The following IPO7 variants were observed in gnomAD, a reference collection of about 807,000 sequenced individuals.
The protein encoded by IPO7 is importin-7.
A neutral mutation model predicts 136.4 loss-of-function variants in IPO7; 13 were observed. The observed-to-expected ratio is 0.10, with a 90% CI of 0.06 to 0.15. The LOEUF is 0.15. IPO7 is among the 10% of genes least tolerant of loss of function. The pLI, the probability that IPO7 is intolerant of heterozygous loss-of-function variation, is 1.00. For missense variants in IPO7, 857 were observed against 1,240.6 expected, an observed-to-expected ratio of 0.69 and a Z score of 4.65; for synonymous variants, 403 against 404.4, an observed-to-expected ratio of 1.00 and a Z score of 0.04.
chr11:9,444,897 G>T (rs1240621998), intron 24 of IPO7, among the ~76,000 whole-genome samples, 200 bp from the exon 25 acceptor site: 2 of 150,286 alleles, frequency 1.3e-5, no homozygotes, highest in Non-Finnish European at 3.0e-5. Context: ...TGGCTAAGAA[G>T]TCTACAGCAT....
chr11:9,433,618 T>G lies in IPO7; in HGVS notation c.1930T>G (p.Leu644Val). Residue 644 changes from leucine to valine, a missense_variant, in exon 17 of 25, where the codon TTA (leucine) becomes GTA (valine). Physicochemically the swap from Leu to Val is conservative, Grantham distance 32. Transcript: ENST00000379719. Reference protein sequence around the residue: ...GICLQVIGTVLQQHVLEFYEE... With the variant: ...GICLQVIGTVVQQHVLEFYEE... Reference sequence around the variant, plus strand: ...CTGCTTACAGGTCATTGGTACTGTTTTACAACAGCATGTCTTAGGTATTAT... The same window carrying G: ...CTGCTTACAGGTCATTGGTACTGTTGTACAACAGCATGTCTTAGGTATTAT... 6.2e-7 allele frequency: 1 copy of G among 1,612,926 alleles called. No homozygotes were observed. Among genetic ancestry groups the G allele is most frequent in the Non-Finnish European group, 8.5e-7 (1 of 1,179,914 alleles).
intron 1 of IPO7, among the ~76,000 whole-genome samples, chr11:9,389,946 G>T (rs547024341): frequency 6.6e-6 from 1 of 152,118 alleles, no homozygotes; most frequent in East Asian, 1.9e-4. Flanking sequence ...TAGTAGAGAC[G>T]GGGTTTCACC....
intron 1 of IPO7, among the ~76,000 whole-genome samples, chr11:9,390,682 C>T (rs1256269975): frequency 6.6e-6 from 1 of 152,176 alleles, no homozygotes; most frequent in Non-Finnish European, 1.5e-5. Flanking sequence ...GGCGCAGTGG[C>T]TCACGCCTGT....
chr11:9,408,848 G>A (rs1397817553), intron 3 of IPO7, among the ~76,000 whole-genome samples: 1 of 151,192 alleles, frequency 6.6e-6, no homozygotes, highest in Non-Finnish European at 1.5e-5. Context: ...CGAGTAGCTG[G>A]GATTACAGGC....
chr11:9,425,872 C>T (rs183962972), intron 12 of IPO7, among the ~76,000 whole-genome samples: 1 of 145,442 alleles, frequency 6.9e-6, no homozygotes, highest in East Asian at 2.0e-4. Flanking sequence ...GAGTGAGACT[C>T]TGTCTCCAAA....
At chr11:9,431,700 A>C (rs1025216435) in intron 16 of IPO7, among the ~76,000 whole-genome samples, 1 of 152,162 alleles carries the variant, frequency 6.6e-6, no homozygotes, top group African/African-American at 2.4e-5. Flanking sequence ...GCGGCCAGGC[A>C]TAGTGGCTCA....
intron 4 of IPO7, among the ~76,000 whole-genome samples, chr11:9,414,018 C>T (rs935212541): frequency 1.3e-5 from 2 of 152,010 alleles, no homozygotes; most frequent in Admixed American, 6.6e-5. Flanking sequence ...TGAGGATACT[C>T]ATGTGTGCCT....
chr11:9,421,151 G>A (rs139935763), intron 8 of IPO7, among the ~76,000 whole-genome samples: 1 of 151,408 alleles, frequency 6.6e-6, no homozygotes, highest in African/African-American at 2.4e-5. Context: ...AGTAGAGACG[G>A]GTTTTCTCCA....
intron 2 of IPO7, chr11:9,403,618 T>G (rs1854832312): frequency 2.4e-6 from 1 of 418,466 alleles, no homozygotes; most frequent in African/African-American, 2.1e-5. Context: ...TATTAAAAGG[T>G]TCTATGTATT....
chr11:9,433,477 T>G, intron 16 of IPO7, 93 bp from the exon 17 acceptor site: 1 of 790,196 alleles, frequency 1.3e-6, no homozygotes, highest in Non-Finnish European at 2.1e-6. Context: ...AATATTGACT[T>G]TATATTTAAG....
chr11:9,418,514 G>A (rs1855075779), intron 6 of IPO7, among the ~76,000 whole-genome samples: 1 of 152,078 alleles, frequency 6.6e-6, no homozygotes, highest in Admixed American at 6.6e-5. Flanking sequence ...TGAGACCAAA[G>A]TCCTATTTTG....
chr11:9,408,583 C>T lies in IPO7; in HGVS notation c.264C>T (p.Arg88=). ...CTTATACTATTCCAGAAGAAGATCGCCATTGTATTCGAGAAAATATTGTAG... is the reference window on the plus strand; with the variant it reads ...CTTATACTATTCCAGAAGAAGATCGTCATTGTATTCGAGAAAATATTGTAG... ...ISPYTIPEED[R]HCIRENIVEA... is the part of the protein sequence containing the mutation. The change falls in exon 3 of 25, where the codon CGC becomes CGT. Residue 88 remains arginine (R), a synonymous_variant. Transcript: ENST00000379719. The T allele has an allele frequency of 1.9e-6, 3 of 1,610,434 alleles. No homozygotes were observed. The highest frequency in any genetic ancestry group is 1.7e-6 in the Non-Finnish European group (2 of 1,178,100).
rs756443715 is a variant in IPO7, at chr11:9,429,216, C to T, written c.1591+20C>T. ...AAAAAGGTAAAGGATTTTTGTATGT[C>T]AAGAAAAGTGAATGTTGGCCAGGTG... On this transcript the variant is annotated intron_variant, in intron 14 of 24. Transcript: ENST00000379719. The T allele has an allele frequency of 6.2e-7, 1 of 1,603,776 alleles. No homozygotes were observed. Among genetic ancestry groups the T allele is most frequent in the Admixed American group, 1.7e-5 (1 of 59,074 alleles).
At chr11:9,433,919 T>C in intron 18 of IPO7, 73 bp downstream of exon 18, 2 of 1,319,112 alleles carry the variant, frequency 1.5e-6, no homozygotes, top group South Asian at 1.4e-5. Flanking sequence ...CATTTGAACA[T>C]ACACTTTTTT....
At chr11:9,407,777 C>T (rs1252035952) in intron 2 of IPO7, among the ~76,000 whole-genome samples, 1 of 152,146 alleles carries the variant, frequency 6.6e-6, no homozygotes, top group South Asian at 2.1e-4. Flanking sequence ...GACAGTTTCC[C>T]TTTACAGTAC....
At chr11:9,419,537 ACT>A (rs1855094400) in intron 6 of IPO7, among the ~76,000 whole-genome samples, 1 of 112,916 alleles carries the variant, frequency 8.9e-6, no homozygotes. Context: ...ACAGAGTGAG[ACT>A]CTGTCTAAAA....
rs1855008349 is a variant in IPO7, at chr11:9,414,259, A to G, written c.484A>G (p.Lys162Glu). 1 of 1,606,556 alleles carries G rather than the reference A, an allele frequency of 6.2e-7. No individual in the cohort carries two copies. Among genetic ancestry groups the G allele is most frequent in the Non-Finnish European group, 8.5e-7 (1 of 1,177,454 alleles). The change falls in exon 5 of 25, where the codon AAA (lysine) becomes GAA (glutamate). Residue 162 changes from lysine (K) to glutamate (E), a missense_variant. Physicochemically the swap from Lys to Glu is moderately conservative, Grantham distance 56 (BLOSUM62 1). Around this residue, in one of 11 missense-constraint regions of IPO7, gnomAD observed 287 missense variants for 307.5 expected, o/e 0.93. Transcript: ENST00000379719. The part of the protein sequence containing the change: ...LYQLVKNYEY[K>E]KPEERSPLVA... The stretch of plus-strand genomic sequence containing the variant: ...AGTTTGTATTCCTACTCAAAGGTAT[A>G]AAAAACCAGAGGAGCGGAGTCCATT...
At chr11:9,408,947 C>T (rs764706012) in intron 3 of IPO7, among the ~76,000 whole-genome samples, 3 of 151,656 alleles carry the variant, frequency 2.0e-5, no homozygotes, top group Non-Finnish European at 2.9e-5. Flanking sequence ...TTCCTGACCT[C>T]GTGATCCAAC....
Position 9,430,921 on chromosome 11 carries a change from G to A in IPO7, c.1799G>A (p.Gly600Asp), listed in dbSNP as rs2133757582. 1 of 1,611,256 alleles carries A rather than the reference G, an allele frequency of 6.2e-7. No individual in the cohort carries two copies. The highest frequency in any genetic ancestry group is 8.5e-7 in the Non-Finnish European group (1 of 1,177,988). Residue 600 changes from glycine (G) to aspartate (D), a missense_variant, in exon 16 of 25, where the codon GGT becomes GAT. Physicochemically the swap from Gly to Asp is moderately conservative, Grantham distance 94. Around this residue, in one of 11 missense-constraint regions of IPO7, gnomAD observed 58 missense variants for 122.1 expected, o/e 0.47. Coordinates refer to ENST00000379719, the MANE Select transcript of IPO7 (RefSeq NM_006391.3). ...ATCCAGACGGGGCCAGATGAAGAAG[G>A]TAGTGATGACAAAGCAGTTACTGCT... ...QVIQTGPDEE[G>D]SDDKAVTAMG... is the part of the protein sequence containing the mutation.
Sources: allele counts gnomAD v4.1 joint callset (sites outside exome capture counted in the v4.1 genomes callset), GRCh38; gene constraint gnomAD v4.1.1; regional missense constraint gnomAD v4.1.1; transcripts MANE v1.5; gene names NCBI Gene and HGNC (gene_info 2026-07-23, HGNC 2026-07-21).